DPP3: variants seen among roughly 807,000 people sequenced by gnomAD.
DPP3 encodes DPP III.
In DPP3, 64 loss-of-function variants were observed where a neutral mutation model predicts 89.8. The observed-to-expected ratio is 0.71, with a 90% confidence interval of 0.58 to 0.88. The LOEUF is 0.88. DPP3 is among the 40% of genes least tolerant of loss of function. The pLI, the probability that DPP3 is intolerant of heterozygous loss-of-function variation, is 0.00. For missense variants in DPP3, 835 were observed against 972.5 expected (o/e 0.86, Z 1.88); for synonymous variants, 377 against 404.3 (o/e 0.93, Z 0.81).
At chr11:66,490,145 T>TA (rs201526861) in intron 6 of DPP3, among the ~76,000 whole-genome samples, 1,889 of 94,408 alleles carry the variant, frequency 0.02, 100 homozygotes, top group East Asian at 0.049. Flanking sequence ...AGATCCTATC[T>TA]AAAAAAAAAA....
intron 6 of DPP3, 113 bp from the exon 7 acceptor site, chr11:66,491,140 G>A: frequency 6.7e-7 from 1 of 1,497,652 alleles, no homozygotes. Context: ...GAAAATCTTA[G>A]AGTGAAAGAG....
In DPP3 at chr11:66,509,045, T is replaced by G. The variant is rs998494374; in HGVS notation, c.2042-34T>G. ...ATGATTCAGTTTCCCTATTCAGACC[T>G]TTCCCTGCTGTTTTCTCTCCATCTC... On this transcript the variant is annotated intron_variant, in intron 17 of 17. Coordinates refer to ENST00000531863, the MANE Select transcript of DPP3 (RefSeq NM_130443.4). The G allele has an allele frequency of 3.1e-6, 5 of 1,609,732 alleles. 1 individual carries two copies. The South Asian group carries it at 5.5e-5, about 18-fold the overall frequency.
chr11:66,480,605 AGGAG>A (rs1386317431), intron 1 of DPP3, 140 bp downstream of exon 1: 9 of 1,016,790 alleles, frequency 8.9e-6, no homozygotes, highest in Non-Finnish European at 1.2e-5. Flanking sequence ...CTCGAGGCCA[AGGAG>A]TGCTCCGGGG....
chr11:66,497,830 G>A (rs1356261207), intron 16 of DPP3, among the ~76,000 whole-genome samples: 2 of 151,586 alleles, frequency 1.3e-5, no homozygotes, highest in Non-Finnish European at 2.9e-5. Flanking sequence ...GGTCGAGGCT[G>A]CAGTAAGCCA....
chr11:66,485,259 C>T lies in DPP3; in HGVS notation c.357C>T (p.Pro119=), dbSNP rs760633870. 1 of 1,609,802 alleles carries T rather than the reference C, an allele frequency of 6.2e-7. No homozygotes were observed. Among genetic ancestry groups the T allele is most frequent in the Non-Finnish European group, 8.5e-7 (1 of 1,177,334 alleles). ...ACACCAAGTTTGTTCCCAACTTGCC[C>T]AAGGTGAGCCAAGGGAGGGTTGGGG... The part of the protein sequence containing the change: ...FGDTKFVPNL[P]KEKLERVILG... The change falls in exon 3 of 18, where the codon CCC becomes CCT. Residue 119 remains proline (P), a synonymous_variant. Coordinates refer to ENST00000531863, the MANE Select transcript of DPP3 (RefSeq NM_130443.4).
intron 6 of DPP3, among the ~76,000 whole-genome samples, chr11:66,488,857 G>C (rs1047439228): frequency 6.6e-6 from 1 of 152,078 alleles, no homozygotes; most frequent in African/African-American, 2.4e-5. Flanking sequence ...AGGTCTTTTT[G>C]TTTTTGTTTT....
rs1360381153 is a variant in DPP3, at chr11:66,493,543, C to T, written c.1299C>T (p.Asp433=). 6.2e-7 allele frequency: 1 copy of T among 1,612,914 alleles called. No homozygotes were observed. Among genetic ancestry groups the T allele is most frequent in the South Asian group, 1.1e-5 (1 of 91,034 alleles). ...CGGGTCTCTGCTTGTCTTGGCAGGA[C>T]CTGTACATCCTCTGGAAGGGGCCCT... ...KLTFLEEDDK[D]LYILWKGPSF... The change falls in exon 12 of 18, where the codon GAC becomes GAT. Residue 433 remains aspartate, a splice_region_variant and synonymous_variant. Transcript: ENST00000531863.
intron 17 of DPP3, among the ~76,000 whole-genome samples, chr11:66,507,899 A>T (rs548541709): frequency 6.9e-4 from 105 of 151,834 alleles, no homozygotes; most frequent in Non-Finnish European, 1.1e-3. Context: ...CTAATCTCGA[A>T]CTCCTGACCT....
intron 16 of DPP3, among the ~76,000 whole-genome samples, chr11:66,503,875 ACT>A (rs949477486): frequency 3.0e-4 from 46 of 151,390 alleles, no homozygotes; most frequent in African/African-American, 1.1e-3. Context: ...TGACAGCAAG[ACT>A]CTGTCTCAAA....
Position 66,485,195 on chromosome 11 carries a change from G to C in DPP3, c.293G>C (p.Gly98Ala), listed in dbSNP as rs1276399875. 1 of 1,614,180 alleles carries C rather than the reference G, an allele frequency of 6.2e-7. No individual in the cohort carries two copies. The highest frequency in any genetic ancestry group is 2.2e-5 in the East Asian group (1 of 44,886). The stretch of plus-strand genomic sequence containing the variant: ...CAGGCGTTCCTGGTCTATGCCGCGG[G>C]TGTTTACTCCAACATGGGCAACTAC... The part of the protein sequence containing the change: ...EYQAFLVYAA[G>A]VYSNMGNYKS... Residue 98 changes from glycine to alanine, a missense_variant, in exon 3 of 18, where the codon GGT (glycine) becomes GCT (alanine). By Grantham distance (60) the Gly-to-Ala change is moderately conservative. Transcript: ENST00000531863.
chr11:66,487,336 C>T lies in DPP3; in HGVS notation c.567C>T (p.Asp189=), dbSNP rs1419036094. 4 of 1,614,016 alleles carry T rather than the reference C, an allele frequency of 2.5e-6. No individual in the cohort carries two copies. Among genetic ancestry groups the T allele is most frequent in the African/African-American group, 2.7e-5 (2 of 75,038 alleles). ...CCAAATTGGCCCAGGACTTTCTGGACTCACAGGTTTGGGGTTAGGGGAGCT... is the reference window on the plus strand; with the variant it reads ...CCAAATTGGCCCAGGACTTTCTGGATTCACAGGTTTGGGGTTAGGGGAGCT... ...EDAKLAQDFL[D]SQNLSAYNTR... Residue 189 remains aspartate, a synonymous_variant, in exon 5 of 18, where the codon GAC becomes GAT. Transcript: ENST00000531863.
At chr11:66,498,241 C>G (rs1277847735) in intron 16 of DPP3, among the ~76,000 whole-genome samples, 2 of 152,094 alleles carry the variant, frequency 1.3e-5, no homozygotes, top group African/African-American at 4.8e-5. Context: ...CTACAGGTGC[C>G]CGCCACCATG....
chr11:66,498,994 G>A (rs1855613739), intron 16 of DPP3, among the ~76,000 whole-genome samples: 3 of 151,864 alleles, frequency 2.0e-5, no homozygotes, highest in Middle Eastern at 3.5e-3. Context: ...CTGGGTGACA[G>A]AACTAGATTC....
At chr11:66,491,916 T>C (rs1445092780) in intron 9 of DPP3, among the ~76,000 whole-genome samples, 160 bp downstream of exon 9, 1 of 152,160 alleles carries the variant, frequency 6.6e-6, no homozygotes. Context: ...TATTGGGCAC[T>C]GTTGTAAGAA....
chr11:66,492,650 G>A (rs1295215289), intron 9 of DPP3, 66 bp from the exon 10 acceptor site: 1 of 1,509,408 alleles, frequency 6.6e-7, no homozygotes, highest in East Asian at 2.3e-5. Flanking sequence ...CGTGATGGCT[G>A]GAGTAGGGTG....
intron 16 of DPP3, among the ~76,000 whole-genome samples, chr11:66,502,546 T>G (rs902910835): frequency 6.6e-6 from 1 of 151,958 alleles, no homozygotes. Context: ...CTCAGCTCAC[T>G]GCAAGCTCCG....
Position 66,495,400 on chromosome 11 carries a change from T to G in DPP3, c.1488T>G (p.Asp496Glu). Residue 496 changes from aspartate (D) to glutamate (E), a missense_variant, in exon 14 of 18, where the codon GAT becomes GAG. Asp to Glu is a conservative substitution (Grantham distance 45). Transcript: ENST00000531863. ...QSWYRSGETW[D>E]SKFSTIASSY... ...GGTATCGGAGCGGGGAGACCTGGGA[T>G]AGCAAGTTCAGCACCATCGCCTCCA... 6.2e-7 allele frequency: 1 copy of G among 1,613,480 alleles called. No individual in the cohort carries two copies. The highest frequency in any genetic ancestry group is 2.2e-5 in the East Asian group (1 of 44,870).
intron 16 of DPP3, among the ~76,000 whole-genome samples, chr11:66,501,839 AAGC>A (rs1189056812): frequency 1.3e-5 from 2 of 151,626 alleles, no homozygotes; most frequent in African/African-American, 2.4e-5. Flanking sequence ...AAAAAAAAAA[AAGC>A]AGGCAAGAAC....
At chr11:66,500,778 G>A (rs541615222) in intron 16 of DPP3, among the ~76,000 whole-genome samples, 119 of 152,326 alleles carry the variant, frequency 7.8e-4, no homozygotes, top group African/African-American at 2.6e-3. Context: ...AGCACCGGCC[G>A]GGCGCACTGG....
Sources: allele counts gnomAD v4.1 joint callset (sites outside exome capture counted in the v4.1 genomes callset), GRCh38; gene constraint gnomAD v4.1.1; transcripts MANE v1.5; gene names NCBI Gene and HGNC (gene_info 2026-07-23, HGNC 2026-07-21).